Variants in DNAH5 observed in about 807,000 individuals in gnomAD.
DNAH5 encodes the protein axonemal beta dynein heavy chain 5.
Under a neutral mutation model 518.2 loss-of-function variants are expected in DNAH5, and 372 were observed. That is an observed-to-expected ratio of 0.72 (90% confidence interval 0.66 to 0.78). The LOEUF (loss-of-function observed/expected upper bound fraction) is 0.78, where lower values mean the gene tolerates loss of function less well. Ranked by LOEUF, DNAH5 falls within the 30% of genes least tolerant of loss-of-function variation. The probability of loss-of-function intolerance (pLI) is 0.00; values close to 1 mark genes in which losing one functional copy is unlikely to be tolerated. For missense variants in DNAH5, 5,523 were observed against 5,687.0 expected (o/e 0.97, Z 0.93); for synonymous variants, 2,039 against 2,025.9 (o/e 1.01, Z -0.17).
intron 1 of DNAH5, 54 bp from the exon 2 acceptor site, chr5:13,931,298 C>A: frequency 6.2e-7 from 1 of 1,607,508 alleles, no homozygotes; most frequent in Non-Finnish European, 8.5e-7. Flanking sequence ...CAAGTGGATT[C>A]ATTTTGTAAT....
intron 10 of DNAH5, 125 bp from the exon 11 acceptor site, chr5:13,914,083 C>T (rs966242916): frequency 6.0e-6 from 7 of 1,171,146 alleles, no homozygotes; most frequent in Non-Finnish European, 8.4e-6. Flanking sequence ...CATGCCTTTG[C>T]TTGTACTCAC....
intron 1 of DNAH5, among the ~76,000 whole-genome samples, chr5:13,960,530 T>A (rs1392463373): frequency 6.6e-6 from 1 of 152,272 alleles, no homozygotes; most frequent in African/African-American, 2.4e-5. Flanking sequence ...GCTGCGTTCA[T>A]GCTACAATGG....
At chr5:13,695,947 C>T (rs538423301) in intron 78 of DNAH5, among the ~76,000 whole-genome samples, 1 of 152,234 alleles carries the variant, frequency 6.6e-6, no homozygotes, top group South Asian at 2.1e-4. Flanking sequence ...CTCATGTTTC[C>T]CATGACTTTA....
At chr5:13,894,947 AG>A in intron 15 of DNAH5, 126 bp from the exon 16 acceptor site, 2 of 262,930 alleles carry the variant, frequency 7.6e-6, no homozygotes, top group South Asian at 8.8e-5. Flanking sequence ...ATAGCCTGGC[AG>A]GTAGAGTAGC....
chr5:13,692,466 C>T (rs1010882410), intron 78 of DNAH5, among the ~76,000 whole-genome samples: 1 of 152,130 alleles, frequency 6.6e-6, no homozygotes, highest in Non-Finnish European at 1.5e-5. Context: ...TTCTCCTTCA[C>T]CTCCTCACCA....
chr5:13,820,824 CAAA>C (rs70964510), intron 40 of DNAH5, among the ~76,000 whole-genome samples: 2 of 66,504 alleles, frequency 3.0e-5, no homozygotes, highest in Admixed American at 1.7e-4. Context: ...TACTCCGTCT[CAAA>C]AAAAAAAAAA....
chr5:13,852,775 C>T (rs543477618), intron 30 of DNAH5, among the ~76,000 whole-genome samples: 1 of 152,268 alleles, frequency 6.6e-6, no homozygotes, highest in African/African-American at 2.4e-5. Flanking sequence ...TGGGCAGAGC[C>T]CACTGCAGCA....
At chr5:13,728,836 C>A (rs958043698) in intron 69 of DNAH5, among the ~76,000 whole-genome samples, 9 of 152,118 alleles carry the variant, frequency 5.9e-5, no homozygotes, top group African/African-American at 1.9e-4. Context: ...CTTGGCTTGT[C>A]CCAATTCAAT....
chr5:13,999,863 T>G (rs1397064047), intron 1 of DNAH5, among the ~76,000 whole-genome samples: 1 of 152,214 alleles, frequency 6.6e-6, no homozygotes, highest in Non-Finnish European at 1.5e-5. Flanking sequence ...TGCCCTTTGT[T>G]GTTGCTGCTG....
intron 1 of DNAH5, among the ~76,000 whole-genome samples, chr5:13,973,800 C>G (rs1256976830): frequency 1.3e-5 from 2 of 151,972 alleles, no homozygotes; most frequent in African/African-American, 4.8e-5. Flanking sequence ...GTGCGAATGC[C>G]CGATGGCAAG....
At chr5:13,899,845 G>A (rs924456449) in intron 15 of DNAH5, 1 of 262,166 alleles carries the variant, frequency 3.8e-6, no homozygotes. Context: ...CTGGGCCAGT[G>A]CAACACTTCA....
intron 66 of DNAH5, among the ~76,000 whole-genome samples, chr5:13,736,464 G>A (rs1261266515): frequency 2.0e-5 from 3 of 151,982 alleles, no homozygotes; most frequent in Non-Finnish European, 2.9e-5. Flanking sequence ...GCGTGATCTC[G>A]GCTCACTGCA....
intron 45 of DNAH5, 47 bp from the exon 46 acceptor site, chr5:13,809,233 T>A (rs1037519943): frequency 7.5e-6 from 12 of 1,609,000 alleles, no homozygotes; most frequent in African/African-American, 1.3e-5. Flanking sequence ...ATAATTCAAC[T>A]CCGAACTGTA....
chr5:13,857,557 C>A (rs959244402), intron 30 of DNAH5, among the ~76,000 whole-genome samples: 1 of 152,166 alleles, frequency 6.6e-6, no homozygotes, highest in African/African-American at 2.4e-5. Context: ...ATAGCCAAGA[C>A]AATCCTAAGC....
chr5:13,920,728 CA>C (rs2151992932), intron 5 of DNAH5, 111 bp from the exon 6 acceptor site: 1 of 1,165,028 alleles, frequency 8.6e-7, no homozygotes, highest in Non-Finnish European at 1.3e-6. Context: ...GAAAGCCCAC[CA>C]GGTAGCACAT....
intron 19 of DNAH5, 47 bp from the exon 20 acceptor site, chr5:13,883,141 T>C (rs1416688254): frequency 1.9e-6 from 3 of 1,589,682 alleles, no homozygotes; most frequent in South Asian, 2.2e-5. Flanking sequence ...TAATACAAAA[T>C]AAGATTTGCT....
intron 60 of DNAH5, among the ~76,000 whole-genome samples, chr5:13,760,419 A>G (rs1027896326): frequency 6.6e-6 from 1 of 152,312 alleles, no homozygotes; most frequent in South Asian, 2.1e-4. Flanking sequence ...TAACATATGT[A>G]AAATCCCAAG....
At chr5:13,804,729 A>G (rs116466195) in intron 47 of DNAH5, among the ~76,000 whole-genome samples, 2,138 of 152,358 alleles carry the variant, frequency 0.014, 25 homozygotes, top group South Asian at 0.062. Flanking sequence ...GGCTAAAGCC[A>G]TGTGTATCAG....
intron 1 of DNAH5, among the ~76,000 whole-genome samples, chr5:13,989,908 C>A (rs572715229): frequency 6.6e-6 from 1 of 152,062 alleles, no homozygotes; most frequent in African/African-American, 2.4e-5. Context: ...CTATACCAGG[C>A]CCTGTTCTAA....
Sources: allele counts gnomAD v4.1 joint callset (sites outside exome capture counted in the v4.1 genomes callset), GRCh38; gene constraint gnomAD v4.1.1; transcripts MANE v1.5; gene names NCBI Gene and HGNC (gene_info 2026-07-23, HGNC 2026-07-21).